Variants in PTPRN2 observed in about 807,000 individuals in gnomAD.
PTPRN2 encodes receptor-type tyrosine-protein phosphatase N2.
In PTPRN2, 74 loss-of-function variants were observed where a neutral mutation model predicts 118.8. The observed-to-expected ratio is 0.62, with a 90% CI of 0.52 to 0.76. PTPRN2 has a LOEUF of 0.76. Ranked by LOEUF, PTPRN2 falls within the 30% of genes least tolerant of loss-of-function variation. The pLI is 0.00. For missense variants in PTPRN2, 1,481 were observed against 1,394.4 expected (o/e 1.06, Z -0.99); for synonymous variants, 641 against 608.0 (o/e 1.05, Z -0.80).
At chr7:157,902,595 C>T (rs1217453722) in intron 11 of PTPRN2, among the ~76,000 whole-genome samples, 3 of 152,010 alleles carry the variant, frequency 2.0e-5, no homozygotes. Flanking sequence ...CTCACCGTGG[C>T]CTCAAGAGCA....
intron 12 of PTPRN2, among the ~76,000 whole-genome samples, chr7:157,775,323 C>T (rs530768051): frequency 2.6e-5 from 4 of 152,200 alleles, no homozygotes; most frequent in South Asian, 2.1e-4. Flanking sequence ...ATTCATGAGC[C>T]GCAGTGGCCA....
At chr7:158,214,355 G>C (rs1827817028) in intron 3 of PTPRN2, among the ~76,000 whole-genome samples, 1 of 150,808 alleles carries the variant, frequency 6.6e-6, no homozygotes, top group African/African-American at 2.4e-5. Flanking sequence ...AGGTACCTCA[G>C]ACTTGGAGTC....
At chr7:158,251,091 A>T (rs1389416432) in intron 3 of PTPRN2, among the ~76,000 whole-genome samples, 1 of 152,226 alleles carries the variant, frequency 6.6e-6, no homozygotes, top group Non-Finnish European at 1.5e-5. Context: ...CCTAATGCAT[A>T]GAAAGGGTAA....
At chr7:157,851,820 A>G (rs1809296378) in intron 12 of PTPRN2, among the ~76,000 whole-genome samples, 1 of 152,174 alleles carries the variant, frequency 6.6e-6, no homozygotes, top group Non-Finnish European at 1.5e-5. Flanking sequence ...CACATGGCAA[A>G]CTTTCTTTTC....
intron 13 of PTPRN2, 102 bp downstream of exon 13, chr7:157,682,623 G>T: frequency 8.2e-7 from 1 of 1,224,306 alleles, no homozygotes; most frequent in Non-Finnish European, 1.2e-6. Context: ...TATGATACAG[G>T]AACAACTGCT....
At chr7:158,235,665 G>A (rs760354169) in intron 3 of PTPRN2, among the ~76,000 whole-genome samples, 4 of 152,136 alleles carry the variant, frequency 2.6e-5, no homozygotes, top group Non-Finnish European at 4.4e-5. Context: ...AAAACCTAGT[G>A]TTTGATAGAT....
intron 10 of PTPRN2, among the ~76,000 whole-genome samples, chr7:158,097,206 C>A (rs1416670839): frequency 1.3e-5 from 2 of 152,100 alleles, no homozygotes; most frequent in Non-Finnish European, 2.9e-5. Flanking sequence ...AGGGACTTCT[C>A]CCACTGGCAG....
Position 157,902,437 on chromosome 7 carries a change from G to A in PTPRN2, c.1724-3700C>T, listed in dbSNP as rs559765646. Among the ~76,000 whole-genome samples, 132 of 147,194 alleles carry A rather than the reference G, an allele frequency of 9.0e-4. 2 individuals carry two copies. The highest frequency in any genetic ancestry group is 1.4e-3 in the Non-Finnish European group (90 of 66,602). On this transcript the variant is annotated intron_variant, in intron 11 of 22. Transcript: ENST00000389418. ...AGCCCCGCGGTGGCCTGGAGAGCACGTGGGGACCAGCCCCGCGGTGGCCTG... is the reference window on the plus strand; with the variant it reads ...AGCCCCGCGGTGGCCTGGAGAGCACATGGGGACCAGCCCCGCGGTGGCCTG...
At chr7:158,146,535 C>T (rs1820036895) in intron 6 of PTPRN2, among the ~76,000 whole-genome samples, 1 of 151,942 alleles carries the variant, frequency 6.6e-6, no homozygotes, top group Admixed American at 6.6e-5. Flanking sequence ...TCCTGACTAA[C>T]ATGGTGAAAC....
chr7:157,828,755 A>G (rs886093634), intron 12 of PTPRN2, among the ~76,000 whole-genome samples: 3 of 152,256 alleles, frequency 2.0e-5, no homozygotes, highest in Non-Finnish European at 2.9e-5. Context: ...CTGACAAGTA[A>G]GACAGGGTCT....
At chr7:158,440,471 GTGGTGGTGATGA>G (rs1816910655) in intron 2 of PTPRN2, among the ~76,000 whole-genome samples, 1 of 151,758 alleles carries the variant, frequency 6.6e-6, no homozygotes, top group Admixed American at 6.6e-5. Context: ...AGCTATGGGT[GTGGTGGTGATGA>G]TGGTGGTGAT....
intron 2 of PTPRN2, among the ~76,000 whole-genome samples, chr7:158,370,568 C>T (rs559705116): frequency 8.5e-5 from 13 of 152,184 alleles, no homozygotes; most frequent in East Asian, 7.7e-4. Flanking sequence ...CTGGCCAACA[C>T]GGTGAAACCC....
intron 3 of PTPRN2, among the ~76,000 whole-genome samples, chr7:158,273,909 CGGG>C (rs1563073693): frequency 4.7e-5 from 6 of 128,964 alleles, no homozygotes; most frequent in African/African-American, 1.5e-4. Flanking sequence ...CAGACAGACG[CGGG>C]AGGAGCCGCA....
chr7:157,919,737 GC>G (rs1475463426), intron 11 of PTPRN2, among the ~76,000 whole-genome samples: 7 of 152,098 alleles, frequency 4.6e-5, no homozygotes, highest in Admixed American at 1.3e-4. Context: ...AGACTTATAA[GC>G]CCTTAAGACC....
intron 11 of PTPRN2, among the ~76,000 whole-genome samples, chr7:158,053,687 G>A (rs752838251): frequency 4.7e-5 from 7 of 149,456 alleles, no homozygotes; most frequent in Non-Finnish European, 8.8e-5. Context: ...CAGCCGCTGC[G>A]GAAGATGCAG....
chr7:158,550,372 T>TC (rs1826570387), intron 1 of PTPRN2, among the ~76,000 whole-genome samples: 1 of 152,100 alleles, frequency 6.6e-6, no homozygotes, highest in Non-Finnish European at 1.5e-5. Context: ...CGCTCCCACA[T>TC]CCCCCACTGG....
At chr7:158,307,341 C>A (rs1801378797) in intron 3 of PTPRN2, among the ~76,000 whole-genome samples, 1 of 151,682 alleles carries the variant, frequency 6.6e-6, no homozygotes, top group Non-Finnish European at 1.5e-5. Context: ...ATCTTAGCAG[C>A]AGAAGAAAGA....
intron 2 of PTPRN2, among the ~76,000 whole-genome samples, chr7:158,388,622 T>C (rs894170871): frequency 1.3e-5 from 2 of 152,138 alleles, no homozygotes; most frequent in Non-Finnish European, 2.9e-5. Context: ...TCTCACTTAG[T>C]TCTCTATGCA....
chr7:157,851,396 T>C (rs1809265317), intron 12 of PTPRN2, among the ~76,000 whole-genome samples: 2 of 152,188 alleles, frequency 1.3e-5, no homozygotes, highest in South Asian at 4.1e-4. Flanking sequence ...AATACAAATA[T>C]AGTCTGATGG....
Sources: allele counts gnomAD v4.1 joint callset (sites outside exome capture counted in the v4.1 genomes callset), GRCh38; gene constraint gnomAD v4.1.1; transcripts MANE v1.5; gene names NCBI Gene and HGNC (gene_info 2026-07-23, HGNC 2026-07-21).